Variants in HTT observed in about 807,000 individuals in gnomAD.
HTT encodes huntingtin, also known as huntington disease protein.
Under a neutral mutation model 362.3 loss-of-function variants are expected in HTT, and 104 were observed. That is an observed-to-expected ratio of 0.29 (90% confidence interval 0.24 to 0.34). HTT has a LOEUF of 0.34. Among genes scored for constraint, HTT ranks in the 10% least tolerant of loss-of-function variants. The pLI is 1.00. For synonymous variants in HTT, 1,577 were observed against 1,548.7 expected, an observed-to-expected ratio of 1.02 and a Z score of -0.43; for missense variants, 3,301 against 3,928.6, an observed-to-expected ratio of 0.84 and a Z score of 4.27.
intron 40 of HTT, among the ~76,000 whole-genome samples, chr4:3,195,157 G>A (rs115753212): frequency 3.3e-5 from 5 of 152,082 alleles, no homozygotes; most frequent in African/African-American, 4.8e-5. Flanking sequence ...ACTGTGTGGC[G>A]TGGAGAAGAG....
At chr4:3,131,888 T>C (rs1406263751) in intron 16 of HTT, 113 bp downstream of exon 16, 2 of 997,222 alleles carry the variant, frequency 2.0e-6, no homozygotes, top group East Asian at 4.9e-5. Flanking sequence ...TCATTTGGGA[T>C]ATTTGACCTG....
At chr4:3,177,445 T>C in intron 34 of HTT, 58 bp downstream of exon 34, 1 of 1,166,872 alleles carries the variant, frequency 8.6e-7, no homozygotes. Context: ...TACATGTAAT[T>C]TAGGTTATTA....
Position 3,243,593 on chromosome 4 carries a change from G to T in HTT, c.*3534G>T, listed in dbSNP as rs956888102. 1.3e-5 allele frequency: 2 copies of T among 152,286 alleles called. No individual in the cohort carries two copies. Among genetic ancestry groups the T allele is most frequent in the Admixed American group, 1.3e-4 (2 of 15,290 alleles). 9.4% of individuals were successfully genotyped at this position (152,286 alleles called of 1,614,324 possible). ...TTCCCCCATGTGCCTGTCACGCTCT[G>T]GTGCAGTCAAAGGAACGCCTTCCCC... is the stretch of plus-strand genomic sequence containing the variant. On this transcript the variant is annotated 3_prime_UTR_variant, in exon 67 of 67. Coordinates refer to ENST00000355072, the MANE Select transcript of HTT (RefSeq NM_001388492.1).
intron 28 of HTT, among the ~76,000 whole-genome samples, chr4:3,159,628 T>G (rs1344406454): frequency 6.6e-6 from 1 of 152,242 alleles, no homozygotes; most frequent in Admixed American, 6.5e-5. Flanking sequence ...AGAGAAAGCT[T>G]CTCTTTCACA....
Position 3,142,767 on chromosome 4 carries a change from A to C in HTT, c.2947A>C (p.Ile983Leu), listed in dbSNP as rs1453378228. 1 of 1,465,464 alleles carries C rather than the reference A, an allele frequency of 6.8e-7. No homozygotes were observed. The allele number at this position is 1,465,464 out of a possible 1,614,324, so 90.8% of individuals were successfully genotyped here. A position where few individuals can be genotyped will look rare whatever the true frequency, so the allele number is the denominator to read the frequency against. Residue 983 changes from isoleucine (I) to leucine (L), a missense_variant and splice_region_variant, in exon 23 of 67, where the codon ATA becomes CTA. Around this residue, in one of 4 missense-constraint regions of HTT, gnomAD observed 2,316 missense variants for 2,658.5 expected, o/e 0.87. Coordinates refer to ENST00000355072, the MANE Select transcript of HTT (RefSeq NM_001388492.1). ...AAGTCTCTATATTTTTGTTATTAGA[A>C]TATATAGAGGCTATAACCTACTACC... is the stretch of plus-strand genomic sequence containing the variant. ...SHFSVSTITR[I>L]YRGYNLLPSI...
rs1396794096 is a variant in HTT, at chr4:3,207,176, T to C, written c.6076-105T>C. On this transcript the variant is annotated intron_variant, in intron 44 of 66. Transcript: ENST00000355072. The stretch of plus-strand genomic sequence containing the variant: ...TCTTGTATTTTTTTCTAGTCTGCCC[T>C]TACTAGGATGAACTGTACACATCAG... 4 of 1,144,720 alleles carry C rather than the reference T, an allele frequency of 3.5e-6. No homozygotes were observed. The East Asian group carries it at 9.9e-5, about 28-fold the overall frequency. 70.9% of individuals were successfully genotyped at this position (1,144,720 alleles called of 1,614,324 possible). A position where few individuals can be genotyped will look rare whatever the true frequency, so the allele number is the denominator to read the frequency against.
chr4:3,134,486 C>T lies in HTT; in HGVS notation c.2579C>T (p.Ser860Phe). ...GATGTGCTGACTCTGAGGAACAGTT[C>T]CTATTGGCTGGTGAGGACAGAGCTT... is the stretch of plus-strand genomic sequence containing the variant. Reference protein sequence around the residue: ...IIDVLTLRNSSYWLVRTELLE... With the variant: ...IIDVLTLRNSFYWLVRTELLE... Residue 860 changes from serine (S) to phenylalanine (F), a missense_variant, in exon 19 of 67, where the codon TCC becomes TTC. Physicochemically the swap from Ser to Phe is radical, Grantham distance 155. Around this residue, in one of 4 missense-constraint regions of HTT, gnomAD observed 2,316 missense variants for 2,658.5 expected, o/e 0.87. Transcript: ENST00000355072. 2.5e-6 allele frequency: 4 copies of T among 1,613,926 alleles called. No individual in the cohort carries two copies. The highest frequency in any genetic ancestry group is 3.4e-6 in the Non-Finnish European group (4 of 1,179,856).
chr4:3,132,348 T>C (rs968160009), intron 16 of HTT, among the ~76,000 whole-genome samples: 2 of 152,202 alleles, frequency 1.3e-5, no homozygotes, highest in East Asian at 3.8e-4. Context: ...GTCTGTGGTA[T>C]TGAGGACATA....
chr4:3,167,638 G>A (rs1181330322), intron 29 of HTT, among the ~76,000 whole-genome samples: 1 of 152,072 alleles, frequency 6.6e-6, no homozygotes, highest in Non-Finnish European at 1.5e-5. Flanking sequence ...TACAGTCAGT[G>A]AATGTATCAA....
intron 6 of HTT, among the ~76,000 whole-genome samples, chr4:3,109,234 T>C (rs995989037): frequency 2.6e-5 from 4 of 152,094 alleles, no homozygotes; most frequent in South Asian, 2.1e-4. Flanking sequence ...TTCTTTCTTT[T>C]TTTTTCTTTG....
chr4:3,140,440 G>T, intron 21 of HTT, 70 bp from the exon 22 acceptor site: 6 of 1,386,526 alleles, frequency 4.3e-6, no homozygotes, highest in Non-Finnish European at 2.0e-6. Flanking sequence ...CATCTGCAGG[G>T]AGGAGGGTGG....
intron 36 of HTT, among the ~76,000 whole-genome samples, chr4:3,181,525 C>G (rs1272793612): frequency 6.6e-6 from 1 of 152,126 alleles, no homozygotes; most frequent in Non-Finnish European, 1.5e-5. Context: ...CTTCTCCTTT[C>G]TTTTAACTTG....
intron 3 of HTT, among the ~76,000 whole-genome samples, chr4:3,099,933 G>A (rs1415529190): frequency 6.6e-6 from 1 of 152,036 alleles, no homozygotes; most frequent in Non-Finnish European, 1.5e-5. Context: ...TGGTTTGGAG[G>A]TGCTCTTGTA....
At position 3,131,235 on chromosome 4, in the gene HTT, T is replaced by C. The variant is rs536155171; in HGVS notation, c.1987-51T>C. 303 of 1,287,086 alleles carry C rather than the reference T, an allele frequency of 2.4e-4. 6 individuals carry two copies. The South Asian group carries it at 3.4e-3, about 15-fold the overall frequency. The allele number at this position is 1,287,086 out of a possible 1,614,324, so 79.7% of individuals were successfully genotyped here. A position where few individuals can be genotyped will look rare whatever the true frequency, so the allele number is the denominator to read the frequency against. On this transcript the variant is annotated intron_variant, in intron 14 of 66. Coordinates refer to ENST00000355072, the MANE Select transcript of HTT (RefSeq NM_001388492.1). Reference sequence around the variant, plus strand: ...ACTATCTGTTGAATGAACTAATGCATGAATGTATTGTTGAGTATGAGACAA... The same window carrying C: ...ACTATCTGTTGAATGAACTAATGCACGAATGTATTGTTGAGTATGAGACAA...
At chr4:3,146,714 C>T (rs543837179) in intron 24 of HTT, 83 bp from the exon 25 acceptor site, 12 of 1,223,728 alleles carry the variant, frequency 9.8e-6, no homozygotes, top group Non-Finnish European at 1.3e-5. Flanking sequence ...GACATGCCTT[C>T]CTCTTGGAAT....
chr4:3,229,758 C>A (rs1035553141), intron 59 of HTT, 129 bp from the exon 60 acceptor site: 25 of 1,003,232 alleles, frequency 2.5e-5, no homozygotes, highest in Non-Finnish European at 3.4e-5. Context: ...CACACGCACA[C>A]ATGCGTCCCG....
Position 3,103,846 on chromosome 4 carries a change from C to A in HTT, c.491C>A (p.Pro164Gln). The A allele has an allele frequency of 6.2e-7, 1 of 1,605,282 alleles. No homozygotes were observed. The highest frequency in any genetic ancestry group is 8.5e-7 in the Non-Finnish European group (1 of 1,172,998). ...VIKALMDSNL[P>Q]RLQLELYKEI... ...TAGGCTTTGATGGATTCTAATCTTCCAAGGTTACAGCTCGAGCTCTATAAG... is the reference window on the plus strand; with the variant it reads ...TAGGCTTTGATGGATTCTAATCTTCAAAGGTTACAGCTCGAGCTCTATAAG... Residue 164 changes from proline (P) to glutamine (Q), a missense_variant, in exon 4 of 67, where the codon CCA (proline) becomes CAA (glutamine). Pro to Gln is a moderately conservative substitution (Grantham distance 76). This residue lies in a region of HTT where 2,316 missense variants were observed against 2,658.5 expected (regional missense o/e 0.87). Coordinates refer to ENST00000355072, the MANE Select transcript of HTT (RefSeq NM_001388492.1).
chr4:3,180,044 G>A (rs1169492716), intron 35 of HTT, among the ~76,000 whole-genome samples: 3 of 152,170 alleles, frequency 2.0e-5, no homozygotes, highest in South Asian at 2.1e-4. Context: ...AGACTTGGGG[G>A]AAAGTCCCTT....
At chr4:3,094,874 T>C (rs1315062493) in intron 2 of HTT, among the ~76,000 whole-genome samples, 1 of 149,074 alleles carries the variant, frequency 6.7e-6, no homozygotes, top group Non-Finnish European at 1.5e-5. Context: ...AGAGACATTC[T>C]TAAGTTCCCA....
Sources: gnomAD v4.1 joint callset for allele counts (sites outside exome capture counted in the v4.1 genomes callset) on GRCh38, gnomAD v4.1.1 for gene constraint, gnomAD v4.1.1 regional missense constraint, MANE v1.5 for transcripts, NCBI Gene and HGNC (gene_info 2026-07-23, HGNC 2026-07-21) for gene names.